NFIA: variants seen among roughly 807,000 people sequenced by gnomAD.
NFIA encodes nuclear factor 1 A-type.
NFIA carries 8 observed loss-of-function variants against 62.8 expected under a neutral mutation model. The ratio of observed to expected loss-of-function variants is 0.13; its 90% CI spans 0.07 to 0.23. The LOEUF (loss-of-function observed/expected upper bound fraction) is 0.23. Ranked by LOEUF, NFIA falls within the 10% of genes least tolerant of loss-of-function variation. The pLI is 1.00. For missense variants in NFIA, 410 were observed against 642.1 expected (o/e 0.64, Z 3.91); for synonymous variants, 235 against 238.1 (o/e 0.99, Z 0.12).
intron 2 of NFIA, among the ~76,000 whole-genome samples, chr1:61,205,402 C>G (rs912599292): frequency 6.6e-6 from 1 of 152,194 alleles, no homozygotes; most frequent in African/African-American, 2.4e-5. Context: ...AAAGCTAGCT[C>G]TCAGAGATGG....
At chr1:61,252,879 T>C (rs1181439117) in intron 2 of NFIA, among the ~76,000 whole-genome samples, 1 of 152,252 alleles carries the variant, frequency 6.6e-6, no homozygotes, top group African/African-American at 2.4e-5. Context: ...AGGTAACTTC[T>C]ATTCTATTTT....
At chr1:61,249,753 C>T (rs1655902823) in intron 2 of NFIA, among the ~76,000 whole-genome samples, 1 of 152,022 alleles carries the variant, frequency 6.6e-6, no homozygotes, top group South Asian at 2.1e-4. Flanking sequence ...TGCAGTGAGC[C>T]AGTGAGCCAA....
At chr1:61,267,371 G>A (rs542771348) in intron 2 of NFIA, among the ~76,000 whole-genome samples, 59 of 150,546 alleles carry the variant, frequency 3.9e-4, no homozygotes, top group South Asian at 1.9e-3. Flanking sequence ...TTAGCTGGGC[G>A]TGGTGGCAGC....
chr1:61,290,785 C>T (rs970991984), intron 3 of NFIA, among the ~76,000 whole-genome samples: 1 of 152,178 alleles, frequency 6.6e-6, no homozygotes, highest in African/African-American at 2.4e-5. Context: ...CAGTAGTTAC[C>T]AACTGGTGGT....
intron 2 of NFIA, among the ~76,000 whole-genome samples, chr1:61,181,594 A>G (rs1434931712): frequency 6.6e-6 from 1 of 152,180 alleles, no homozygotes; most frequent in African/African-American, 2.4e-5. Flanking sequence ...CTGCTTGGTG[A>G]TAAGTGTTAA....
chr1:61,445,175 C>G lies in NFIA; in HGVS notation c.1513-10128C>G, dbSNP rs144786443. On this transcript the variant is annotated intron_variant, in intron 10 of 10. Coordinates refer to ENST00000403491, the MANE Select transcript of NFIA (RefSeq NM_001134673.4). ...TGTCTGTGTTAGAATGATATTACCT[C>G]TCTCCAAGAAGCATAGATCCCTGAC... Among the ~76,000 whole-genome samples, 686 of 152,266 alleles carry G rather than the reference C, an allele frequency of 4.5e-3. 7 individuals carry two copies. The highest frequency in any genetic ancestry group is 0.016 in the African/African-American group (649 of 41,542).
chr1:61,126,462 A>ACACACACACACACTCTCT (rs1553153083), intron 2 of NFIA, among the ~76,000 whole-genome samples: 2 of 145,820 alleles, frequency 1.4e-5, no homozygotes, highest in Non-Finnish European at 3.0e-5. Context: ...ACACACACAC[A>ACACACACACACACTCTCT]CACACACACA....
chr1:61,138,361 A>T (rs1235093653), intron 2 of NFIA, among the ~76,000 whole-genome samples: 4 of 152,150 alleles, frequency 2.6e-5, no homozygotes, highest in Non-Finnish European at 5.9e-5. Flanking sequence ...TTCCCAAAGT[A>T]TTGGAATTAC....
At position 61,378,862 on chromosome 1, in the gene NFIA, T is replaced by G. The variant is rs139805569; in HGVS notation, c.947-4375T>G. ...ACTCAGCTCCCAGAGGCCCCTGCAG[T>G]TCCTTACCATGTGGCTGTCACAGGC... On this transcript the variant is annotated intron_variant, in intron 6 of 10. Transcript: ENST00000403491. Among the ~76,000 whole-genome samples the G allele has an allele frequency of 3.4e-3, 521 of 152,274 alleles. 10 individuals are homozygous for G. In the East Asian group the frequency reaches 0.041, roughly 12 times the overall value.
chr1:61,375,030 T>G (rs1318880805), intron 6 of NFIA, among the ~76,000 whole-genome samples: 1 of 152,236 alleles, frequency 6.6e-6, no homozygotes, highest in Non-Finnish European at 1.5e-5. Flanking sequence ...CCTGTGTTTA[T>G]GCTCACAAGA....
intron 2 of NFIA, among the ~76,000 whole-genome samples, chr1:61,198,793 G>A (rs532846137): frequency 6.2e-4 from 94 of 152,284 alleles, no homozygotes; most frequent in Non-Finnish European, 1.2e-3. Context: ...GAACCTGGAT[G>A]CCCAGCTGTC....
intron 2 of NFIA, among the ~76,000 whole-genome samples, chr1:61,188,449 A>G (rs11207708): frequency 0.12 from 18,763 of 152,058 alleles, 1,666 homozygotes; most frequent in East Asian, 0.28. Context: ...TTTCTGTTCT[A>G]TTTTAGCTTG....
In NFIA at chr1:61,389,094, A is replaced by G. The variant is rs571050350; in HGVS notation, c.1075+5729A>G. On this transcript the variant is annotated intron_variant, in intron 7 of 10. Coordinates refer to ENST00000403491, the MANE Select transcript of NFIA (RefSeq NM_001134673.4). ...GCACTCCAGCCTGAGCAACAGAGAAAGACCCTGTCTCAAAACAACAACAAC... is the reference window on the plus strand; with the variant it reads ...GCACTCCAGCCTGAGCAACAGAGAAGGACCCTGTCTCAAAACAACAACAAC... Among the ~76,000 whole-genome samples the G allele has an allele frequency of 2.0e-5, 3 of 152,288 alleles. No homozygotes were observed. The East Asian group carries it at 5.8e-4, about 29-fold the overall frequency.
At chr1:61,329,631 G>T (rs1249970453) in intron 3 of NFIA, among the ~76,000 whole-genome samples, 2 of 151,488 alleles carry the variant, frequency 1.3e-5, no homozygotes, top group African/African-American at 4.8e-5. Flanking sequence ...CTACCCAAAG[G>T]GCTGGGATTA....
chr1:61,111,300 G>A (rs1557572844), intron 2 of NFIA, among the ~76,000 whole-genome samples: 1 of 152,014 alleles, frequency 6.6e-6, no homozygotes, highest in African/African-American at 2.4e-5. Flanking sequence ...AACCTACTGT[G>A]CGCTTATTCT....
intron 2 of NFIA, among the ~76,000 whole-genome samples, chr1:61,091,397 T>A (rs1232961377): frequency 6.6e-6 from 1 of 152,150 alleles, no homozygotes; most frequent in Non-Finnish European, 1.5e-5. Flanking sequence ...CATGCTAAAA[T>A]ATAATACATA....
chr1:61,399,807 C>G (rs1358415985), intron 7 of NFIA, among the ~76,000 whole-genome samples: 2 of 152,160 alleles, frequency 1.3e-5, no homozygotes, highest in African/African-American at 4.8e-5. Context: ...CTTAAGAGCA[C>G]TCTTATGTGT....
At chr1:61,188,878 A>C (rs1229581153) in intron 2 of NFIA, among the ~76,000 whole-genome samples, 1 of 152,222 alleles carries the variant, frequency 6.6e-6, no homozygotes, top group Admixed American at 6.5e-5. Context: ...TGTTTGTCCG[A>C]TTCCATCTGG....
chr1:61,429,844 C>T (rs898464059), intron 10 of NFIA, among the ~76,000 whole-genome samples: 7 of 152,096 alleles, frequency 4.6e-5, no homozygotes, highest in African/African-American at 1.4e-4. Flanking sequence ...TATGATTCTA[C>T]GGATGTGAGG....
Sources: gnomAD v4.1 joint callset for allele counts (sites outside exome capture counted in the v4.1 genomes callset) on GRCh38, gnomAD v4.1.1 for gene constraint, MANE v1.5 for transcripts, NCBI Gene and HGNC (gene_info 2026-07-23, HGNC 2026-07-21) for gene names.